The following RNF150 variants were observed in gnomAD, a reference collection of about 807,000 sequenced individuals.
RNF150 encodes ring finger protein 150.
Under a neutral mutation model 39.3 loss-of-function variants are expected in RNF150, and 24 were observed. The ratio of observed to expected loss-of-function variants is 0.61; its 90% CI spans 0.44 to 0.86. The LOEUF (loss-of-function observed/expected upper bound fraction) is 0.86. Among genes scored for constraint, RNF150 ranks in the 40% least tolerant of loss-of-function variants. The pLI, the probability that RNF150 is intolerant of heterozygous loss-of-function variation, is 0.00. For synonymous variants in RNF150, 255 were observed against 227.3 expected, an observed-to-expected ratio of 1.12 and a Z score of -1.10; for missense variants, 502 against 587.8, an observed-to-expected ratio of 0.85 and a Z score of 1.51.
chr4:140,876,175 T>C (rs1327822620), intron 6 of RNF150, among the ~76,000 whole-genome samples: 1 of 152,220 alleles, frequency 6.6e-6, no homozygotes, highest in Non-Finnish European at 1.5e-5. Context: ...CTGCTGCTGA[T>C]GCTTATCTTC....
chr4:141,197,595 T>G (rs1728220942), intron 1 of RNF150, among the ~76,000 whole-genome samples: 1 of 152,156 alleles, frequency 6.6e-6, no homozygotes, highest in Admixed American at 6.5e-5. Context: ...AGAAATGACC[T>G]TGGCTGGGTG....
At chr4:141,101,236 CAT>C (rs1738998243) in intron 1 of RNF150, among the ~76,000 whole-genome samples, 1 of 152,158 alleles carries the variant, frequency 6.6e-6, no homozygotes, top group African/African-American at 2.4e-5. Context: ...CCTTAAAACA[CAT>C]GTTGTACAGC....
chr4:140,875,235 C>T (rs1436724029), intron 6 of RNF150, among the ~76,000 whole-genome samples: 1 of 145,962 alleles, frequency 6.9e-6, no homozygotes, highest in South Asian at 2.2e-4. Context: ...GTGGGGTGAT[C>T]ATAGTTCACT....
intron 5 of RNF150, among the ~76,000 whole-genome samples, chr4:140,912,992 G>A (rs983040020): frequency 6.6e-6 from 1 of 150,944 alleles, no homozygotes; most frequent in African/African-American, 2.4e-5. Context: ...AAACACCATG[G>A]GCTGGGCGTG....
At chr4:141,178,603 T>G (rs1194215833) in intron 1 of RNF150, among the ~76,000 whole-genome samples, 2 of 152,174 alleles carry the variant, frequency 1.3e-5, no homozygotes, top group Non-Finnish European at 2.9e-5. Flanking sequence ...CTTCACATAC[T>G]GTCTTTAGCT....
intron 1 of RNF150, among the ~76,000 whole-genome samples, chr4:141,166,547 AATAC>A (rs1578776479): frequency 1.3e-5 from 2 of 152,340 alleles, no homozygotes; most frequent in East Asian, 3.9e-4. Context: ...TCCTCAGTAA[AATAC>A]TGGCAAACCA....
intron 6 of RNF150, among the ~76,000 whole-genome samples, chr4:140,886,207 A>AAAG (rs1553988338): frequency 1.3e-5 from 2 of 151,792 alleles, no homozygotes; most frequent in East Asian, 3.9e-4. Context: ...AAAAAAAAAA[A>AAAG]AAAAGAAAAG....
chr4:140,881,883 T>TAA (rs138494545), intron 6 of RNF150, among the ~76,000 whole-genome samples: 3 of 151,892 alleles, frequency 2.0e-5, no homozygotes, highest in South Asian at 4.2e-4. Context: ...TCCATCTCTT[T>TAA]AAAAAAAGAG....
At chr4:140,948,314 G>C (rs1446937427) in intron 3 of RNF150, among the ~76,000 whole-genome samples, 1 of 152,016 alleles carries the variant, frequency 6.6e-6, no homozygotes, top group African/African-American at 2.4e-5. Context: ...TTATATACTT[G>C]AAAAATAATA....
intron 5 of RNF150, among the ~76,000 whole-genome samples, chr4:140,915,680 A>C (rs537245789): frequency 6.6e-6 from 1 of 152,328 alleles, no homozygotes; most frequent in East Asian, 1.9e-4. Context: ...TCCCTGTCTG[A>C]CAGCTTTGAA....
chr4:141,081,549 G>T (rs986019681), intron 1 of RNF150, among the ~76,000 whole-genome samples: 5 of 152,078 alleles, frequency 3.3e-5, no homozygotes, highest in African/African-American at 1.2e-4. Flanking sequence ...TAAAACAGTT[G>T]CATTTTTATC....
At chr4:140,965,440 C>T (rs1733200290) in intron 2 of RNF150, among the ~76,000 whole-genome samples, 1 of 152,086 alleles carries the variant, frequency 6.6e-6, no homozygotes, top group South Asian at 2.1e-4. Context: ...TATCTGCACC[C>T]CCATGTTAAT....
At chr4:141,184,556 T>C (rs945154527) in intron 1 of RNF150, among the ~76,000 whole-genome samples, 2 of 152,210 alleles carry the variant, frequency 1.3e-5, no homozygotes, top group Non-Finnish European at 2.9e-5. Flanking sequence ...CTTTTGGTAT[T>C]TTAGTCATGA....
chr4:141,065,700 T>C (rs1367868970), intron 1 of RNF150, among the ~76,000 whole-genome samples: 1 of 152,052 alleles, frequency 6.6e-6, no homozygotes, highest in Non-Finnish European at 1.5e-5. Flanking sequence ...TTAATAATAA[T>C]AAATATTTCT....
chr4:140,932,703 C>G (rs1333670708), intron 4 of RNF150, among the ~76,000 whole-genome samples: 2 of 152,202 alleles, frequency 1.3e-5, no homozygotes, highest in Non-Finnish European at 2.9e-5. Context: ...AATACTGTCA[C>G]CCAGTATGTC....
At chr4:141,084,589 C>A (rs1738281389) in intron 1 of RNF150, among the ~76,000 whole-genome samples, 1 of 152,182 alleles carries the variant, frequency 6.6e-6, no homozygotes, top group Non-Finnish European at 1.5e-5. Flanking sequence ...TGAATTGGTC[C>A]TAAAGGACGC....
At chr4:140,873,645 A>T (rs1410998846) in intron 6 of RNF150, among the ~76,000 whole-genome samples, 1 of 152,086 alleles carries the variant, frequency 6.6e-6, no homozygotes, top group Admixed American at 6.5e-5. Flanking sequence ...AATGTTACAG[A>T]GTGTCTGATT....
In RNF150 at chr4:141,190,412, G is replaced by T. The variant is rs186356306; in HGVS notation, c.-6+22382C>A. On this transcript the variant is annotated intron_variant, in intron 1 of 7. Coordinates refer to the RNF150 transcript ENST00000420921. ...GAAAAAGTAAGCTGCCATGTTTTGAGATAGTCATGTGTCTGTGACCTGAGG... is the reference window on the plus strand; with the variant it reads ...GAAAAAGTAAGCTGCCATGTTTTGATATAGTCATGTGTCTGTGACCTGAGG... Among the ~76,000 whole-genome samples the T allele has an allele frequency of 2.1e-3, 313 of 152,316 alleles. 1 individual carries two copies. Among genetic ancestry groups the T allele is most frequent in the Non-Finnish European group, 3.6e-3 (242 of 68,020 alleles).
At chr4:141,158,546 A>G (rs1292338022) in intron 1 of RNF150, among the ~76,000 whole-genome samples, 1 of 152,158 alleles carries the variant, frequency 6.6e-6, no homozygotes, top group Non-Finnish European at 1.5e-5. Flanking sequence ...CTGATTTCCC[A>G]AGGCTTTAGG....
Sources: gnomAD v4.1 joint callset for allele counts (sites outside exome capture counted in the v4.1 genomes callset) on GRCh38, gnomAD v4.1.1 for gene constraint, MANE v1.5 for transcripts, NCBI Gene and HGNC (gene_info 2026-07-23, HGNC 2026-07-21) for gene names.